PTPRB: variants seen among roughly 807,000 people sequenced by gnomAD.
PTPRB encodes protein tyrosine phosphatase receptor type B.
Under a neutral mutation model 238.1 loss-of-function variants are expected in PTPRB, and 97 were observed. That is an observed-to-expected ratio of 0.41 (90% CI 0.35 to 0.48). PTPRB has a LOEUF of 0.48. Ranked by LOEUF, PTPRB falls within the 20% of genes least tolerant of loss-of-function variation. The pLI, the probability that PTPRB is intolerant of heterozygous loss-of-function variation, is 0.30. For synonymous variants in PTPRB, 970 were observed against 995.4 expected, an observed-to-expected ratio of 0.97 and a Z score of 0.48; for missense variants, 2,292 against 2,681.9, an observed-to-expected ratio of 0.85 and a Z score of 3.21.
intron 8 of PTPRB, among the ~76,000 whole-genome samples, chr12:70,589,530 G>A (rs1346413709): frequency 1.3e-5 from 2 of 152,110 alleles, no homozygotes; most frequent in East Asian, 3.9e-4. Context: ...TCTCATTTCA[G>A]TATCCTTATT....
chr12:70,567,670 C>T (rs1293270004), intron 14 of PTPRB, among the ~76,000 whole-genome samples: 1 of 152,180 alleles, frequency 6.6e-6, no homozygotes. Flanking sequence ...CACTTGTGTC[C>T]TTACCTCCTA....
In PTPRB at chr12:70,587,286, A is replaced by G; in HGVS notation, c.2051-19T>C. 1 of 1,612,600 alleles carries G rather than the reference A, an allele frequency of 6.2e-7. No individual in the cohort carries two copies. On this transcript the variant is annotated intron_variant, in intron 8 of 33. Transcript: ENST00000334414. ...AGGGGGACTGAGGAAAAAGCAATGG[A>G]GATGGGTCATTGATGGACTGAGGCA...
chr12:70,615,307 C>T (rs1295008569), intron 3 of PTPRB, among the ~76,000 whole-genome samples: 2 of 152,092 alleles, frequency 1.3e-5, no homozygotes, highest in Non-Finnish European at 2.9e-5. Context: ...TAGATCAACA[C>T]CCAAAGACAT....
At chr12:70,570,883 T>A (rs893631372) in intron 13 of PTPRB, 143 bp downstream of exon 13, 2 of 900,478 alleles carry the variant, frequency 2.2e-6, no homozygotes, top group Non-Finnish European at 3.3e-6. Context: ...TTGGACAACA[T>A]CATTGTCACT....
chr12:70,621,129 T>C (rs759711071), intron 3 of PTPRB, among the ~76,000 whole-genome samples: 30 of 152,334 alleles, frequency 2.0e-4, no homozygotes, highest in Middle Eastern at 3.4e-3. Flanking sequence ...GATGATGGTA[T>C]CCTTAAGTCA....
chr12:70,527,759 A>G (rs1379714007), intron 32 of PTPRB: 2 of 152,198 alleles, frequency 1.3e-5, no homozygotes, highest in Non-Finnish European at 2.9e-5. Context: ...GTTCACTGTC[A>G]CCATGGACCC....
intron 15 of PTPRB, among the ~76,000 whole-genome samples, chr12:70,564,576 A>C (rs1424535148): frequency 6.6e-6 from 1 of 151,620 alleles, no homozygotes; most frequent in East Asian, 1.9e-4. Context: ...TCGTGCCTGT[A>C]ATCCCAACAC....
At chr12:70,575,369 A>AAG (rs1356875857) in intron 11 of PTPRB, among the ~76,000 whole-genome samples, 1 of 152,180 alleles carries the variant, frequency 6.6e-6, no homozygotes, top group Non-Finnish European at 1.5e-5. Context: ...CAGAAACCAT[A>AAG]AGAATCTGAT....
intron 4 of PTPRB, among the ~76,000 whole-genome samples, chr12:70,605,420 C>T (rs886990077): frequency 6.6e-6 from 1 of 152,210 alleles, no homozygotes; most frequent in African/African-American, 2.4e-5. Flanking sequence ...ATTCATCCAT[C>T]TATCCATCCA....
Position 70,572,024 on chromosome 12 carries a change from G to A in PTPRB, c.2906C>T (p.Ser969Phe), listed in dbSNP as rs543847602. 12 of 1,613,740 alleles carry A rather than the reference G, an allele frequency of 7.4e-6. No individual in the cohort carries two copies. The South Asian group carries it at 1.3e-4, about 18-fold the overall frequency. Residue 969 changes from serine (S) to phenylalanine (F), a missense_variant, in exon 12 of 34, where the codon TCC becomes TTC. Transcript: ENST00000334414. ...AAAGTCTCCAGTGGCATGCACCCAGGATACCCTTAAATAGTCACTCCTGGC... is the reference window on the plus strand; with the variant it reads ...AAAGTCTCCAGTGGCATGCACCCAGAATACCCTTAAATAGTCACTCCTGGC... Reference protein sequence around the residue: ...NSARSDYLRVSWVHATGDFDH... With the variant: ...NSARSDYLRVFWVHATGDFDH...
chr12:70,538,041 A>G, intron 28 of PTPRB, 114 bp downstream of exon 28: 1 of 834,724 alleles, frequency 1.2e-6, no homozygotes, highest in East Asian at 2.5e-5. Context: ...GCTCTTCTGA[A>G]ATCTACAGGT....
At chr12:70,553,417 G>A (rs1190051339) in intron 20 of PTPRB, among the ~76,000 whole-genome samples, 28 of 152,102 alleles carry the variant, frequency 1.8e-4, no homozygotes, top group Admixed American at 1.7e-3. Context: ...CCTATGACCT[G>A]GGAAATAGGA....
At chr12:70,585,802 C>T (rs533814664) in intron 9 of PTPRB, among the ~76,000 whole-genome samples, 97 of 151,964 alleles carry the variant, frequency 6.4e-4, no homozygotes, top group Non-Finnish European at 1.1e-3. Flanking sequence ...CCCCGACCCC[C>T]GACCCCACAA....
At chr12:70,571,760 C>T in intron 12 of PTPRB, 64 bp downstream of exon 12, 1 of 1,535,796 alleles carries the variant, frequency 6.5e-7, no homozygotes, top group South Asian at 1.3e-5. Flanking sequence ...ATTCAAGGTT[C>T]AGATAAATTA....
At chr12:70,610,127 C>CTT (rs1183762725) in intron 3 of PTPRB, among the ~76,000 whole-genome samples, 1 of 152,176 alleles carries the variant, frequency 6.6e-6, no homozygotes, top group Non-Finnish European at 1.5e-5. Flanking sequence ...AGGCAATTTC[C>CTT]TCGTCTCCCG....
At chr12:70,544,534 C>T (rs200066977) in intron 22 of PTPRB, 23 bp downstream of exon 22, 293 of 1,508,530 alleles carry the variant, frequency 1.9e-4, no homozygotes, top group Non-Finnish European at 2.6e-4. Flanking sequence ...GTTGGTAGAA[C>T]ATGATGTAAA....
chr12:70,606,456 C>T (rs1883950811), intron 4 of PTPRB, among the ~76,000 whole-genome samples: 1 of 152,050 alleles, frequency 6.6e-6, no homozygotes, highest in African/African-American at 2.4e-5. Context: ...AATAATCAGG[C>T]CAGTCACATT....
chr12:70,526,644 A>C (rs1185120466), intron 32 of PTPRB, among the ~76,000 whole-genome samples: 3 of 152,216 alleles, frequency 2.0e-5, no homozygotes, highest in African/African-American at 4.8e-5. Flanking sequence ...AAATCTGAGA[A>C]AGGTACAATC....
intron 10 of PTPRB, among the ~76,000 whole-genome samples, chr12:70,578,722 A>T (rs1340516997): frequency 6.6e-6 from 1 of 152,224 alleles, no homozygotes; most frequent in Admixed American, 6.5e-5. Context: ...CACAGACTAG[A>T]CTATTTTAGT....
Sources: allele counts gnomAD v4.1 joint callset (sites outside exome capture counted in the v4.1 genomes callset), GRCh38; gene constraint gnomAD v4.1.1; transcripts MANE v1.5; gene names NCBI Gene and HGNC (gene_info 2026-07-23, HGNC 2026-07-21).